CDH4: variants seen among roughly 807,000 people sequenced by gnomAD.
The protein encoded by CDH4 is cadherin-4.
CDH4 carries 33 observed loss-of-function variants against 86.0 expected under a neutral mutation model. The ratio of observed to expected loss-of-function variants is 0.38; its 90% CI spans 0.29 to 0.51. The LOEUF is 0.51. Among genes scored for constraint, CDH4 ranks in the 20% least tolerant of loss-of-function variants. The pLI is 0.86. For missense variants in CDH4, 1,114 were observed against 1,307.4 expected (o/e 0.85, Z 2.28); for synonymous variants, 555 against 549.4 (o/e 1.01, Z -0.14).
At position 61,466,385 on chromosome 20, in the gene CDH4, C is replaced by G. The variant is rs536126990; in HGVS notation, c.169+211448C>G. Among the ~76,000 whole-genome samples the G allele has an allele frequency of 4.6e-5, 7 of 152,246 alleles. No individual in the cohort carries two copies. In the East Asian group the frequency reaches 1.4e-3, roughly 29 times the overall value. On this transcript the variant is annotated intron_variant, in intron 2 of 15. Transcript: ENST00000614565. ...GCTAAGAAGGAAAAAGGGCTGGACC[C>G]CCATTGTAATAAGATCGTGCATAGC...
chr20:61,599,986 A>G (rs2086586780), intron 2 of CDH4: 9 of 982,528 alleles, frequency 9.2e-6, no homozygotes, highest in Admixed American at 6.2e-5. Context: ...AGCTGAAGTG[A>G]CAGGTACCCC....
At chr20:61,391,628 T>C (rs745645420) in intron 2 of CDH4, among the ~76,000 whole-genome samples, 1 of 152,238 alleles carries the variant, frequency 6.6e-6, no homozygotes, top group African/African-American at 2.4e-5. Flanking sequence ...GGTTGCAGCA[T>C]GTCTGTGCTT....
At chr20:61,307,491 G>A (rs1600853422) in intron 2 of CDH4, among the ~76,000 whole-genome samples, 1 of 152,224 alleles carries the variant, frequency 6.6e-6, no homozygotes, top group Non-Finnish European at 1.5e-5. Context: ...CGCATACTAG[G>A]TCTCTGCCTA....
In CDH4 at chr20:61,649,154, G is replaced by T. The variant is rs753662064; in HGVS notation, c.170-94409G>T. Among the ~76,000 whole-genome samples the T allele has an allele frequency of 2.6e-5, 4 of 152,334 alleles. No individual in the cohort carries two copies. In the East Asian group the frequency reaches 7.7e-4, roughly 29 times the overall value. On this transcript the variant is annotated intron_variant, in intron 2 of 15. Coordinates refer to ENST00000614565, the MANE Select transcript of CDH4 (RefSeq NM_001794.5). ...GCCCTGTTCAACCTCACCTGCACAC[G>T]TGTGTCTGCCAGTGGGCTCTTCCCC...
intron 2 of CDH4, among the ~76,000 whole-genome samples, chr20:61,497,342 C>A (rs1331786400): frequency 3.3e-5 from 5 of 152,014 alleles, no homozygotes; most frequent in Admixed American, 2.0e-4. Context: ...TTTTAGAATT[C>A]TATGTTAATT....
At chr20:61,629,092 G>A (rs1414172549) in intron 2 of CDH4, among the ~76,000 whole-genome samples, 1 of 152,254 alleles carries the variant, frequency 6.6e-6, no homozygotes, top group African/African-American at 2.4e-5. Context: ...GGCCACGCAG[G>A]TTCAGCTGCA....
intron 2 of CDH4, among the ~76,000 whole-genome samples, chr20:61,736,481 G>A (rs962445392): frequency 2.0e-5 from 3 of 152,288 alleles, no homozygotes; most frequent in South Asian, 4.2e-4. Context: ...CACGTCTGAT[G>A]TGATGACTTG....
chr20:61,754,829 C>A lies in CDH4; in HGVS notation c.396+11040C>A, dbSNP rs1171782211. On this transcript the variant is annotated intron_variant, in intron 3 of 15. Coordinates refer to ENST00000614565, the MANE Select transcript of CDH4 (RefSeq NM_001794.5). This position sits in a 1 kb window ranked among gnomAD's most constrained non-coding sequence, Gnocchi z 4.7. ...CCACACACACGATGCATGCCACACA[C>A]CACACACATGCCCCACACACACCAC... Among the ~76,000 whole-genome samples, 1 of 150,816 alleles carries A rather than the reference C, an allele frequency of 6.6e-6. No individual in the cohort carries two copies. Among genetic ancestry groups the A allele is most frequent in the Non-Finnish European group, 1.5e-5 (1 of 67,634 alleles).
At chr20:61,336,802 G>C (rs1019267745) in intron 2 of CDH4, among the ~76,000 whole-genome samples, 1 of 152,146 alleles carries the variant, frequency 6.6e-6, no homozygotes, top group Non-Finnish European at 1.5e-5. Context: ...TTCCCTGCTG[G>C]ACTTTACAAG....
At chr20:61,762,121 C>A (rs571735003) in intron 3 of CDH4, among the ~76,000 whole-genome samples, 11 of 152,382 alleles carry the variant, frequency 7.2e-5, no homozygotes, top group Admixed American at 7.2e-4. Context: ...GCCATCCAGT[C>A]TGCAGGTGGT....
At chr20:61,758,655 G>A (rs527891115) in intron 3 of CDH4, among the ~76,000 whole-genome samples, 6 of 152,288 alleles carry the variant, frequency 3.9e-5, no homozygotes, top group South Asian at 2.1e-4. Context: ...GTGGCACCGC[G>A]TCCCATGTAC....
chr20:61,514,951 C>T (rs1342810489), intron 2 of CDH4, among the ~76,000 whole-genome samples: 1 of 152,184 alleles, frequency 6.6e-6, no homozygotes, highest in Non-Finnish European at 1.5e-5. Flanking sequence ...CCTGCCTGCA[C>T]CATTGCCTGG....
intron 2 of CDH4, among the ~76,000 whole-genome samples, chr20:61,284,818 C>T (rs2084284230): frequency 6.6e-6 from 1 of 152,216 alleles, no homozygotes; most frequent in Admixed American, 6.5e-5. Context: ...GCCAGATAGT[C>T]ATTATTTTAG....
chr20:61,508,928 A>G lies in CDH4; in HGVS notation c.170-234635A>G, dbSNP rs184792606. Reference sequence around the variant, plus strand: ...CACCCCCTCCCCACTCTGCCTCCACAGCACCAGCTGCTGTGTTAACATCCT... The same window carrying G: ...CACCCCCTCCCCACTCTGCCTCCACGGCACCAGCTGCTGTGTTAACATCCT... On this transcript the variant is annotated intron_variant, in intron 2 of 15. Transcript: ENST00000614565. 3.8e-3 allele frequency among the ~76,000 whole-genome samples: 584 copies of G among 152,288 alleles called. 3 individuals are homozygous for G. The highest frequency in any genetic ancestry group is 0.014 in the African/African-American group (568 of 41,600).
chr20:61,722,815 G>T (rs754896330), intron 2 of CDH4, among the ~76,000 whole-genome samples: 1 of 152,148 alleles, frequency 6.6e-6, no homozygotes, highest in South Asian at 2.1e-4. Flanking sequence ...TGGGGGTCCC[G>T]TGATCACCTC....
At chr20:61,839,009 C>T (rs560083922) in intron 4 of CDH4, among the ~76,000 whole-genome samples, 2 of 152,310 alleles carry the variant, frequency 1.3e-5, no homozygotes, top group African/African-American at 4.8e-5. Context: ...GGGAACTGCT[C>T]CAGGCAGCTC....
At chr20:61,860,824 G>A (rs1193622693) in intron 6 of CDH4, among the ~76,000 whole-genome samples, 2 of 152,074 alleles carry the variant, frequency 1.3e-5, no homozygotes, top group Non-Finnish European at 2.9e-5. Flanking sequence ...GGCTCCTCCT[G>A]CAGGATCCTG....
chr20:61,470,137 A>G (rs936047255), intron 2 of CDH4, among the ~76,000 whole-genome samples: 13 of 152,186 alleles, frequency 8.5e-5, no homozygotes, highest in African/African-American at 2.9e-4. Context: ...TTGAATCCAT[A>G]GATTGCTTTG....
At position 61,703,030 on chromosome 20, in the gene CDH4, C is replaced by G. The variant is rs936565527; in HGVS notation, c.170-40533C>G. ...CCTTTCTTCATCTCACTCTGCGTGC[C>G]GTGGTCAGTGCCATGTTTTCGGGTA... On this transcript the variant is annotated intron_variant, in intron 2 of 15. Coordinates refer to ENST00000614565, the MANE Select transcript of CDH4 (RefSeq NM_001794.5). This position sits in a 1 kb window ranked among gnomAD's most constrained non-coding sequence, Gnocchi z 4.3. 1.3e-5 allele frequency among the ~76,000 whole-genome samples: 2 copies of G among 152,064 alleles called. No homozygotes were observed. The highest frequency in any genetic ancestry group is 4.1e-4 in the South Asian group (2 of 4,830).
Sources: gnomAD v4.1 joint callset for allele counts (sites outside exome capture counted in the v4.1 genomes callset) on GRCh38, gnomAD v4.1.1 for gene constraint, Gnocchi (gnomAD v3.1) non-coding constraint, MANE v1.5 for transcripts, NCBI Gene and HGNC (gene_info 2026-07-23, HGNC 2026-07-21) for gene names.